DNAH2: variants seen among roughly 807,000 people sequenced by gnomAD.
DNAH2 encodes axonemal beta dynein heavy chain 2.
DNAH2 carries 323 observed loss-of-function variants against 523.5 expected under a neutral mutation model. The ratio of observed to expected loss-of-function variants is 0.62; its 90% CI spans 0.56 to 0.68. The LOEUF (loss-of-function observed/expected upper bound fraction) is 0.68. DNAH2 is among the 30% of genes least tolerant of loss of function. DNAH2 has a pLI of 0.00. For synonymous variants in DNAH2, 2,093 were observed against 2,177.4 expected (o/e 0.96, Z 1.08); for missense variants, 4,907 against 5,701.5 (o/e 0.86, Z 4.49).
intron 7 of DNAH2, among the ~76,000 whole-genome samples, chr17:7,736,842 C>T (rs1295981732): frequency 2.6e-5 from 4 of 152,074 alleles, no homozygotes; most frequent in Non-Finnish European, 4.4e-5. Context: ...ATTAGCTGGG[C>T]GTTGTGGTGG....
In DNAH2 at chr17:7,792,763, G is replaced by A. The variant is rs377358825; in HGVS notation, c.7252G>A (p.Val2418Met). 1.7e-5 allele frequency: 27 copies of A among 1,614,062 alleles called. No homozygotes were observed. The highest frequency in any genetic ancestry group is 1.6e-4 in the Middle Eastern group (1 of 6,084). The change falls in exon 47 of 86, where the codon GTG becomes ATG. Residue 2418 changes from valine (V) to methionine (M), a missense_variant. Val to Met is a conservative substitution (Grantham distance 21). Around this residue, in one of 3 missense-constraint regions of DNAH2, gnomAD observed 2,806 missense variants for 3,190.8 expected, o/e 0.88. Transcript: ENST00000572933. ...NQNPILLVGP[V>M]GTGKTSIAQS... is the part of the protein sequence containing the mutation. ...GAATCCCATTCTGCTGGTGGGTCCC[G>A]TGGGGACTGGGAAGACCTCCATCGC...
At position 7,831,971 on chromosome 17, in the gene DNAH2, C is replaced by T. The variant is rs1567773368; in HGVS notation, c.12726+196C>T. On this transcript the variant is annotated intron_variant, in intron 82 of 85. Coordinates refer to ENST00000572933, the MANE Select transcript of DNAH2 (RefSeq NM_020877.5). The surrounding 1 kb of genome is among the most constrained non-coding windows in gnomAD (Gnocchi z 4.2). Reference sequence around the variant, plus strand: ...CATACAACTTATTAACTTACAGACTCACTCAGGGAAAATTACTAACCTCTC... The same window carrying T: ...CATACAACTTATTAACTTACAGACTTACTCAGGGAAAATTACTAACCTCTC... Among the ~76,000 whole-genome samples the T allele has an allele frequency of 6.6e-6, 1 of 152,216 alleles. No individual in the cohort carries two copies. The highest frequency in any genetic ancestry group is 6.5e-5 in the Admixed American group (1 of 15,286).
At chr17:7,740,006 G>A (rs944023353) in intron 9 of DNAH2, 68 bp downstream of exon 9, 3 of 1,511,922 alleles carry the variant, frequency 2.0e-6, no homozygotes, top group Non-Finnish European at 2.7e-6. Context: ...AGAGTGGGAG[G>A]AGTGGCGAGA....
At chr17:7,826,371 C>G (rs2078018035) in intron 77 of DNAH2, among the ~76,000 whole-genome samples, 3 of 152,074 alleles carry the variant, frequency 2.0e-5, no homozygotes, top group South Asian at 4.1e-4. Context: ...TTCACAGCCC[C>G]CAGTTGCCAG....
chr17:7,784,093 A>G (rs1311783380), intron 39 of DNAH2, among the ~76,000 whole-genome samples: 2 of 152,174 alleles, frequency 1.3e-5, no homozygotes, highest in Non-Finnish European at 2.9e-5. Context: ...ACAGATTTTG[A>G]GCTAAAAAGC....
At chr17:7,816,498 G>A in intron 63 of DNAH2, 73 bp from the exon 64 acceptor site, 1 of 1,539,096 alleles carries the variant, frequency 6.5e-7, no homozygotes, top group Non-Finnish European at 8.8e-7. Flanking sequence ...CAAAATGGCA[G>A]AGTCATGATG....
chr17:7,790,501 C>T (rs997004369), intron 44 of DNAH2, among the ~76,000 whole-genome samples: 1 of 152,150 alleles, frequency 6.6e-6, no homozygotes, highest in African/African-American at 2.4e-5. Flanking sequence ...GGACTAGAGG[C>T]ATGAGCCACC....
In DNAH2 at chr17:7,828,731, A is replaced by C. The variant is rs2078087477; in HGVS notation, c.11854-1569A>C. Among the ~76,000 whole-genome samples the C allele has an allele frequency of 6.6e-6, 1 of 152,120 alleles. No homozygotes were observed. Among genetic ancestry groups the C allele is most frequent in the Non-Finnish European group, 1.5e-5 (1 of 68,038 alleles). On this transcript the variant is annotated intron_variant, in intron 77 of 85. Transcript: ENST00000572933. The surrounding 1 kb of genome is among the most constrained non-coding windows in gnomAD (Gnocchi z 4.1). ...AGTGCTGAGATTACAGGTGTGAGCC[A>C]CTATGCCTGGCCTAAAATTCTGTAA... is the stretch of plus-strand genomic sequence containing the variant.
At chr17:7,816,519 C>T in intron 63 of DNAH2, 52 bp from the exon 64 acceptor site, 1 of 1,601,738 alleles carries the variant, frequency 6.2e-7, no homozygotes, top group Non-Finnish European at 8.5e-7. Context: ...TGAACAAGAA[C>T]AATCTGGCTG....
Position 7,817,647 on chromosome 17 carries a change from C to T in DNAH2, c.10107C>T (p.Ile3369=). 1.9e-6 allele frequency: 3 copies of T among 1,614,138 alleles called. No individual in the cohort carries two copies. The highest frequency in any genetic ancestry group is 2.5e-6 in the Non-Finnish European group (3 of 1,180,022). ...CTACCAAAGTCCGGGACTGGAACAT[C>T]CAAGGGTTGCCCTCAGACGCCTTCT... is the stretch of plus-strand genomic sequence containing the variant. ...CNPTKVRDWN[I]QGLPSDAFST... The change falls in exon 66 of 86, where the codon ATC becomes ATT. Residue 3369 remains isoleucine (I), a synonymous_variant. Transcript: ENST00000572933.
chr17:7,833,234 CCCAGGCAGGACCTGCCTG>C lies in DNAH2; in HGVS notation c.13129+16_13129+33del. The C allele has an allele frequency of 6.2e-7, 1 of 1,606,798 alleles. No homozygotes were observed. The highest frequency in any genetic ancestry group is 8.5e-7 in the Non-Finnish European group (1 of 1,179,890). On this transcript the variant is annotated intron_variant, in intron 85 of 85. Transcript: ENST00000572933. ...AAGAGCGCCAAGGGTGGGACAGCTC[CCCAGGCAGGACCTGCCTG>C]CCCCGTCCCTAGTTTGGAACTTAAC...
At position 7,824,566 on chromosome 17, in the gene DNAH2, C is replaced by T. The variant is rs765405416; in HGVS notation, c.11692C>T (p.Leu3898=). The change falls in exon 77 of 86, where the codon CTG becomes TTG. Residue 3898 remains leucine (L), a synonymous_variant. Transcript: ENST00000572933. ...CTGGGTGTTCCTGGCAAACTGCCAC[C>T]TGTCACTGTCTTGGATGCCTAATCT... The part of the protein sequence containing the change: ...GHWVFLANCH[L]SLSWMPNLDK... 1 of 1,578,146 alleles carries T rather than the reference C, an allele frequency of 6.3e-7. No individual in the cohort carries two copies. Among genetic ancestry groups the T allele is most frequent in the South Asian group, 1.1e-5 (1 of 88,148 alleles).
chr17:7,765,887 C>T (rs1258925478), intron 21 of DNAH2, among the ~76,000 whole-genome samples: 2 of 152,024 alleles, frequency 1.3e-5, no homozygotes, highest in Admixed American at 1.3e-4. Flanking sequence ...AAACGATTCT[C>T]CTGCCTCAGC....
intron 12 of DNAH2, among the ~76,000 whole-genome samples, chr17:7,751,460 C>T (rs376834753): frequency 2.0e-5 from 3 of 152,018 alleles, no homozygotes; most frequent in South Asian, 2.1e-4. Flanking sequence ...TGATTTTATT[C>T]TCTACATTTA....
chr17:7,766,541 G>C (rs1042749723), intron 22 of DNAH2, 60 bp downstream of exon 22: 21 of 1,550,648 alleles, frequency 1.4e-5, no homozygotes, highest in Non-Finnish European at 1.6e-5. Context: ...ACAGGAGAAT[G>C]GGTCCTTAGC....
At position 7,821,478 on chromosome 17, in the gene DNAH2, G is replaced by A; in HGVS notation, c.11142+109G>A. 1.4e-6 allele frequency: 2 copies of A among 1,412,720 alleles called. No individual in the cohort carries two copies. The highest frequency in any genetic ancestry group is 1.5e-5 in the South Asian group (1 of 67,800). The allele number at this position is 1,412,720 out of a possible 1,614,324, so 87.5% of individuals were successfully genotyped here. On this transcript the variant is annotated intron_variant, in intron 73 of 85. Coordinates refer to ENST00000572933, the MANE Select transcript of DNAH2 (RefSeq NM_020877.5). This position sits in a 1 kb window ranked among gnomAD's most constrained non-coding sequence, Gnocchi z 5.0. ...AGGGTCAGGCCCACAGCATCAGTGA[G>A]TGAGCTGAGAAAATCCAGGCCAGCA...
At chr17:7,721,175 A>G (rs1321012309) in intron 2 of DNAH2, among the ~76,000 whole-genome samples, 3 of 150,292 alleles carry the variant, frequency 2.0e-5, no homozygotes, top group Admixed American at 6.6e-5. Context: ...TGCCCAGCTT[A>G]TTTTTTTTAT....
intron 3 of DNAH2, among the ~76,000 whole-genome samples, chr17:7,725,206 C>T (rs1368939680): frequency 1.3e-5 from 2 of 150,872 alleles, no homozygotes; most frequent in East Asian, 2.0e-4. Flanking sequence ...TCTCATGTCT[C>T]GGCCTCCTGA....
chr17:7,733,031 C>T (rs568748840), intron 4 of DNAH2, 56 bp from the exon 5 acceptor site: 1 of 1,576,520 alleles, frequency 6.3e-7, no homozygotes, highest in South Asian at 1.1e-5. Context: ...GCTTTTGTGA[C>T]TGGGTGTCAT....
Sources: gnomAD v4.1 joint callset for allele counts (sites outside exome capture counted in the v4.1 genomes callset) on GRCh38, gnomAD v4.1.1 for gene constraint, gnomAD v4.1.1 regional missense constraint, Gnocchi (gnomAD v3.1) non-coding constraint, MANE v1.5 for transcripts, NCBI Gene and HGNC (gene_info 2026-07-23, HGNC 2026-07-21) for gene names.